Variants in HPCAL4 observed in about 807,000 individuals in gnomAD.
HPCAL4 encodes the protein hippocalcin-like protein 4.
In HPCAL4, 16 loss-of-function variants were observed where a neutral mutation model predicts 18.2. The ratio of observed to expected loss-of-function variants is 0.88; its 90% CI spans 0.59 to 1.33. The LOEUF is 1.33. Ranked by LOEUF, HPCAL4 falls within the 40% of genes most tolerant of loss-of-function variation. The pLI is 0.00. For missense variants in HPCAL4, 214 were observed against 256.6 expected (o/e 0.83, Z 1.14); for synonymous variants, 80 against 97.5 (o/e 0.82, Z 1.06).
At position 39,683,976 on chromosome 1, in the gene HPCAL4, G is replaced by A. The variant is rs745564361; in HGVS notation, c.339C>T (p.Asp113=). Reference sequence around the variant, plus strand: ...GCATCTCCAGGCGCGTGATGCGCCCGTCGCCGTCCAGGTCGTACATCTCAA... The same window carrying A: ...GCATCTCCAGGCGCGTGATGCGCCCATCGCCGTCCAGGTCGTACATCTCAA... The part of the protein sequence containing the change: ...WAFEMYDLDG[D]GRITRLEMLE... The change falls in exon 3 of 4, where the codon GAC becomes GAT. Residue 113 remains aspartate, a synonymous_variant. Coordinates refer to ENST00000372844, the MANE Select transcript of HPCAL4 (RefSeq NM_016257.4). The A allele has an allele frequency of 1.9e-6, 3 of 1,613,830 alleles. No homozygotes were observed. Among genetic ancestry groups the A allele is most frequent in the South Asian group, 2.2e-5 (2 of 91,086 alleles).
Position 39,682,628 on chromosome 1 carries a change from T to C in HPCAL4, c.484A>G (p.Lys162Glu), listed in dbSNP as rs142857145. The C allele has an allele frequency of 3.8e-5, 61 of 1,614,160 alleles. No homozygotes were observed. Among genetic ancestry groups the C allele is most frequent in the South Asian group, 3.5e-4 (32 of 91,092 alleles). ...TCCTCCAATGTAATCTGGTCGTCCT[T>C]ATCCTGGTCCATCTTCTTGAAGATC... Reference protein sequence around the residue: ...DKIFKKMDQDKDDQITLEEFK... With the variant: ...DKIFKKMDQDEDDQITLEEFK... Residue 162 changes from lysine to glutamate, a missense_variant, in exon 4 of 4, where the codon AAG becomes GAG. Coordinates refer to ENST00000372844, the MANE Select transcript of HPCAL4 (RefSeq NM_016257.4).
At chr1:39,684,796 C>T (rs1270482763) in intron 1 of HPCAL4, among the ~76,000 whole-genome samples, 185 bp from the exon 2 acceptor site, 1 of 152,306 alleles carries the variant, frequency 6.6e-6, no homozygotes, top group African/African-American at 2.4e-5. Flanking sequence ...CTCCTAGCCC[C>T]GGGGGTCTCC....
chr1:39,684,145 G>A lies in HPCAL4; in HGVS notation c.170C>T (p.Pro57Leu). 1 of 1,613,160 alleles carries A rather than the reference G, an allele frequency of 6.2e-7. No homozygotes were observed. Among genetic ancestry groups the A allele is most frequent in the South Asian group, 1.1e-5 (1 of 91,038 alleles). The change falls in exon 3 of 4, where the codon CCC (proline) becomes CTC (leucine). Residue 57 changes from proline (P) to leucine (L), a missense_variant. By Grantham distance (98) the Pro-to-Leu change is moderately conservative. Transcript: ENST00000372844. Reference sequence around the variant, plus strand: ...CGCGAACTTGGAGGCGTCGCCGTAGGGGAAGAACTGAGGGGGGTGCGGTGG... The same window carrying A: ...CGCGAACTTGGAGGCGTCGCCGTAGAGGAAGAACTGAGGGGGGTGCGGTGG... ...EFQQLYIKFF[P>L]YGDASKFAQH...
At chr1:39,684,729 T>G in intron 1 of HPCAL4, 118 bp from the exon 2 acceptor site, 1 of 790,042 alleles carries the variant, frequency 1.3e-6, no homozygotes, top group Non-Finnish European at 1.9e-6. Context: ...CTCATGACAC[T>G]CCCCCATAAT....
chr1:39,684,380 C>A, intron 2 of HPCAL4, 62 bp downstream of exon 2: 2 of 1,237,908 alleles, frequency 1.6e-6, no homozygotes, highest in East Asian at 3.9e-5. Context: ...CCCTCACCCC[C>A]GGTTCCTCGC....
At chr1:39,683,101 C>G (rs1646641378) in intron 3 of HPCAL4, among the ~76,000 whole-genome samples, 1 of 152,146 alleles carries the variant, frequency 6.6e-6, no homozygotes, top group South Asian at 2.1e-4. Context: ...CCGGGTTGGT[C>G]TCGAACTCAT....
At chr1:39,683,856 A>G (rs1646648365) in intron 3 of HPCAL4, 81 bp downstream of exon 3, 7 of 1,298,946 alleles carry the variant, frequency 5.4e-6, no homozygotes, top group Admixed American at 1.8e-5. Flanking sequence ...GAGGCCCCGA[A>G]GCCCGAGAGC....
rs781731516 is a variant in HPCAL4, at chr1:39,683,997, C to A, written c.318G>T (p.Glu106Asp). ...GCCCGTCGCCGTCCAGGTCGTACAT[C>A]TCAAAGGCCCAGTTGAGCTTCTGCT... ...SFEQKLNWAF[E>D]MYDLDGDGRI... The change falls in exon 3 of 4, where the codon GAG becomes GAT. Residue 106 changes from glutamate (E) to aspartate (D), a missense_variant. Glu to Asp is a conservative substitution (Grantham distance 45). Coordinates refer to ENST00000372844, the MANE Select transcript of HPCAL4 (RefSeq NM_016257.4). The A allele has an allele frequency of 5.6e-6, 9 of 1,614,016 alleles. No homozygotes were observed. The highest frequency in any genetic ancestry group is 7.6e-6 in the Non-Finnish European group (9 of 1,179,924).
In HPCAL4 at chr1:39,681,021, C is replaced by T. The variant is rs888976917; in HGVS notation, c.*1515G>A. The T allele has an allele frequency of 2.6e-5, 4 of 152,734 alleles. No homozygotes were observed. Among genetic ancestry groups the T allele is most frequent in the Middle Eastern group, 3.4e-3 (1 of 294 alleles). The allele number at this position is 152,734 out of a possible 1,614,324, so 9.5% of individuals were successfully genotyped here. On this transcript the variant is annotated 3_prime_UTR_variant, in exon 4 of 4. Coordinates refer to ENST00000372844, the MANE Select transcript of HPCAL4 (RefSeq NM_016257.4). ...CAAGAGGAAATCAACTGTCACTGCA[C>T]GTCAAAGGTAATTTCTGATCACAAG...
chr1:39,688,490 C>T (rs1238881858), intron 1 of HPCAL4, among the ~76,000 whole-genome samples: 1 of 152,184 alleles, frequency 6.6e-6, no homozygotes, highest in Non-Finnish European at 1.5e-5. Context: ...GGGACACAGC[C>T]GAGGGGGCTG....
At chr1:39,690,453 G>A (rs927658379) in intron 1 of HPCAL4, among the ~76,000 whole-genome samples, 1 of 152,220 alleles carries the variant, frequency 6.6e-6, no homozygotes, top group African/African-American at 2.4e-5. Flanking sequence ...GCAGGAAGGT[G>A]GGAGAGAGGG....
chr1:39,689,377 C>T (rs758358247), intron 1 of HPCAL4, among the ~76,000 whole-genome samples: 62 of 152,240 alleles, frequency 4.1e-4, no homozygotes, highest in African/African-American at 8.9e-4. Context: ...TGGTGGATTA[C>T]GTAAGAGGAG....
chr1:39,684,434 C>T lies in HPCAL4; in HGVS notation c.162+8G>A. The T allele has an allele frequency of 2.1e-6, 3 of 1,461,912 alleles. No homozygotes were observed. Among genetic ancestry groups the T allele is most frequent in the Non-Finnish European group, 2.7e-6 (3 of 1,103,404 alleles). 90.6% of individuals were successfully genotyped at this position (1,461,912 alleles called of 1,614,324 possible). A position where few individuals can be genotyped will look rare whatever the true frequency, so the allele number is the denominator to read the frequency against. ...TTGGCTCCCTCACACCAGGTGCCGGCCGCCCACCTTGATGTAGAGCTGCTG... is the reference window on the plus strand; with the variant it reads ...TTGGCTCCCTCACACCAGGTGCCGGTCGCCCACCTTGATGTAGAGCTGCTG... On this transcript the variant is annotated splice_region_variant and intron_variant, in intron 2 of 3. Transcript: ENST00000372844.
chr1:39,683,825 C>T (rs1646647842), intron 3 of HPCAL4, 112 bp downstream of exon 3: 7 of 915,930 alleles, frequency 7.6e-6, no homozygotes, highest in Non-Finnish European at 1.2e-5. Context: ...GAGGCGGGAT[C>T]GCAGGCTGGG....
At chr1:39,682,895 T>C (rs1179669468) in intron 3 of HPCAL4, among the ~76,000 whole-genome samples, 162 bp from the exon 4 acceptor site, 2 of 152,122 alleles carry the variant, frequency 1.3e-5, no homozygotes, top group Admixed American at 6.5e-5. Context: ...AACTCTTTTT[T>C]TTTTTGAAAC....
In HPCAL4 at chr1:39,687,040, C is replaced by T. The variant is rs547793774; in HGVS notation, c.-8-2429G>A. Among the ~76,000 whole-genome samples, 35 of 152,346 alleles carry T rather than the reference C, an allele frequency of 2.3e-4. 2 individuals are homozygous for T. In the South Asian group the frequency reaches 7.0e-3, roughly 31 times the overall value. ...AGGTTGGTCCATTCCTTCCCACTCC[C>T]CTTTGCTGGGCTGACCTCAGGCTAG... On this transcript the variant is annotated intron_variant, in intron 1 of 3. Transcript: ENST00000372844.
rs1646634159 is a variant in HPCAL4, at chr1:39,682,439, T to G, written c.*97A>C. 8.7e-7 allele frequency: 1 copy of G among 1,149,074 alleles called. No individual in the cohort carries two copies. The highest frequency in any genetic ancestry group is 1.5e-5 in the African/African-American group (1 of 66,398). The allele number at this position is 1,149,074 out of a possible 1,614,324, so 71.2% of individuals were successfully genotyped here. On this transcript the variant is annotated 3_prime_UTR_variant, in exon 4 of 4. Coordinates refer to ENST00000372844, the MANE Select transcript of HPCAL4 (RefSeq NM_016257.4). ...GACTGGGTGGGCCAGAGAGGGGGGCTGGAGTGTCCCTCCTCCTGGGAGGCC... is the reference window on the plus strand; with the variant it reads ...GACTGGGTGGGCCAGAGAGGGGGGCGGGAGTGTCCCTCCTCCTGGGAGGCC...
chr1:39,683,955 C>T lies in HPCAL4; in HGVS notation c.360G>A (p.Glu120=). The T allele has an allele frequency of 1.2e-6, 2 of 1,613,736 alleles. No individual in the cohort carries two copies. ...CCCGCACCTCGATGATCTCCAGCAT[C>T]TCCAGGCGCGTGATGCGCCCGTCGC... ...LDGDGRITRL[E]MLEIIEAIYK... is the part of the protein sequence containing the mutation. The change falls in exon 3 of 4, where the codon GAG becomes GAA. Residue 120 remains glutamate (E), a synonymous_variant. Transcript: ENST00000372844.
intron 1 of HPCAL4, 125 bp from the exon 2 acceptor site, chr1:39,684,736 T>TA (rs948323096): frequency 5.4e-6 from 4 of 738,260 alleles, no homozygotes; most frequent in African/African-American, 1.8e-5. Flanking sequence ...CACTCCCCCA[T>TA]AATGGGGCCT....
Sources: gnomAD v4.1 joint callset for allele counts (sites outside exome capture counted in the v4.1 genomes callset) on GRCh38, gnomAD v4.1.1 for gene constraint, MANE v1.5 for transcripts, NCBI Gene and HGNC (gene_info 2026-07-23, HGNC 2026-07-21) for gene names.